The following ZNF607 variants were observed in gnomAD, a reference collection of about 807,000 sequenced individuals.
The protein encoded by ZNF607 is zinc finger protein 607.
In ZNF607, 5 loss-of-function variants were observed where a neutral mutation model predicts 12.8. That is an observed-to-expected ratio of 0.39 (90% CI 0.20 to 0.82). The LOEUF is 0.82. ZNF607 is among the 40% of genes least tolerant of loss of function. The pLI, the probability that ZNF607 is intolerant of heterozygous loss-of-function variation, is 0.39. For missense variants in ZNF607, 851 were observed against 859.2 expected, an observed-to-expected ratio of 0.99 and a Z score of 0.12; for synonymous variants, 287 against 276.2, an observed-to-expected ratio of 1.04 and a Z score of -0.39.
At chr19:37,717,996 C>T (rs930972102) in intron 1 of ZNF607, among the ~76,000 whole-genome samples, 1 of 152,078 alleles carries the variant, frequency 6.6e-6, no homozygotes, top group African/African-American at 2.4e-5. Flanking sequence ...GTATAATTTT[C>T]TTAACCATTC....
chr19:37,718,383 A>T (rs145933266), intron 1 of ZNF607, among the ~76,000 whole-genome samples: 1 of 152,308 alleles, frequency 6.6e-6, no homozygotes, highest in East Asian at 1.9e-4. Context: ...CCAAGGCTGC[A>T]GGCGCGTAAT....
Position 37,709,844 on chromosome 19 carries a change from T to A in ZNF607, c.10-22A>T, listed in dbSNP as rs368957925. 6 of 1,606,198 alleles carry A rather than the reference T, an allele frequency of 3.7e-6. No individual in the cohort carries two copies. In the African/African-American group the frequency reaches 8.0e-5, roughly 21 times the overall value. On this transcript the variant is annotated intron_variant, in intron 2 of 4. Coordinates refer to ENST00000355202, the MANE Select transcript of ZNF607 (RefSeq NM_032689.5). ...ATCCCTGAAACAGCAAACCCATGTA[T>A]TACTGGGGAAATTCCAAAATGGAGT... is the stretch of plus-strand genomic sequence containing the variant.
chr19:37,715,799 T>C (rs2045172059), intron 1 of ZNF607, among the ~76,000 whole-genome samples: 1 of 152,100 alleles, frequency 6.6e-6, no homozygotes, highest in Admixed American at 6.5e-5. Flanking sequence ...TTTATGTGAG[T>C]ATTTGTAAAT....
At chr19:37,712,330 T>C (rs915180816) in intron 1 of ZNF607, among the ~76,000 whole-genome samples, 22 of 152,034 alleles carry the variant, frequency 1.4e-4, no homozygotes, top group African/African-American at 4.4e-4. Context: ...TATCCATCAA[T>C]ACAGAGAGAA....
intron 4 of ZNF607, among the ~76,000 whole-genome samples, chr19:37,702,468 G>A (rs768639053): frequency 2.4e-4 from 36 of 152,058 alleles, no homozygotes; most frequent in Non-Finnish European, 4.0e-4. Context: ...GTAGAATTAA[G>A]ATGCTCATTT....
chr19:37,700,114 C>T (rs879321594), intron 4 of ZNF607, among the ~76,000 whole-genome samples: 2 of 152,190 alleles, frequency 1.3e-5, no homozygotes, highest in East Asian at 3.9e-4. Flanking sequence ...ACACAGAGCC[C>T]TGTTTTGTAG....
intron 4 of ZNF607, among the ~76,000 whole-genome samples, chr19:37,705,167 G>T (rs190682271): frequency 7.2e-5 from 11 of 152,116 alleles, no homozygotes; most frequent in Admixed American, 5.9e-4. Context: ...TCCACCCAAA[G>T]GGGAGAAAAG....
chr19:37,716,273 AT>A (rs1445479501), intron 1 of ZNF607, among the ~76,000 whole-genome samples: 1 of 152,222 alleles, frequency 6.6e-6, no homozygotes, highest in African/African-American at 2.4e-5. Flanking sequence ...ATTGGTGACT[AT>A]CAGGCTACTT....
Position 37,696,929 on chromosome 19 carries a change from T to A in ZNF607, c.*1111A>T. On this transcript the variant is annotated 3_prime_UTR_variant, in exon 5 of 5. Transcript: ENST00000355202. ...CGTCCAGAATGAGCCCAAAGGTGGC[T>A]GCTCACTCCATAAGGTTGTTGCTCA... The A allele has an allele frequency of 1.5e-6, 1 of 673,108 alleles. No homozygotes were observed. Among genetic ancestry groups the A allele is most frequent in the Non-Finnish European group, 2.7e-6 (1 of 367,930 alleles). The allele number at this position is 673,108 out of a possible 1,614,324, so 41.7% of individuals were successfully genotyped here.
Position 37,709,811 on chromosome 19 carries a change from T to C in ZNF607, c.21A>G (p.Thr7=). The change falls in exon 3 of 5, where the codon ACA becomes ACG. Residue 7 remains threonine (T), a synonymous_variant. Coordinates refer to ENST00000355202, the MANE Select transcript of ZNF607 (RefSeq NM_032689.5). ...AGAAGTCTATGGCCACATCCCCGAATGTTATTGATCCCTGAAACAGCAAAC... is the reference window on the plus strand; with the variant it reads ...AGAAGTCTATGGCCACATCCCCGAACGTTATTGATCCCTGAAACAGCAAAC... MSYGSI[T]FGDVAIDFSH... is the part of the protein sequence containing the mutation. 1 of 1,613,588 alleles carries C rather than the reference T, an allele frequency of 6.2e-7. No individual in the cohort carries two copies. Among genetic ancestry groups the C allele is most frequent in the Non-Finnish European group, 8.5e-7 (1 of 1,179,582 alleles).
At chr19:37,704,081 C>G (rs1026695463) in intron 4 of ZNF607, among the ~76,000 whole-genome samples, 2 of 151,806 alleles carry the variant, frequency 1.3e-5, no homozygotes, top group African/African-American at 4.8e-5. Flanking sequence ...TTGCAGTGGG[C>G]CAAGACCACG....
chr19:37,705,133 A>G (rs1363030750), intron 4 of ZNF607, among the ~76,000 whole-genome samples: 1 of 152,234 alleles, frequency 6.6e-6, no homozygotes, highest in African/African-American at 2.4e-5. Context: ...CGATTATTTG[A>G]AAGATCAATG....
chr19:37,709,888 G>A (rs2045118043), intron 2 of ZNF607, 66 bp from the exon 3 acceptor site: 32 of 1,575,068 alleles, frequency 2.0e-5, no homozygotes. Flanking sequence ...CGGGCACTGT[G>A]GCTCACGCCT....
Position 37,698,617 on chromosome 19 carries a change from TAA to T in ZNF607, c.1512_1513del (p.Tyr505Ter). 1 of 1,613,830 alleles carries T rather than the reference TAA, an allele frequency of 6.2e-7. No homozygotes were observed. Among genetic ancestry groups the T allele is most frequent in the South Asian group, 1.1e-5 (1 of 91,056 alleles). The stretch of plus-strand genomic sequence containing the variant: ...GGCCTTCCCACATTCCTTACATTCA[TAA>T]GGTTTCTCACCAGTATGAACTCTGC... On this transcript the variant is annotated frameshift_variant, in exon 5 of 5. Coordinates refer to ENST00000355202, the MANE Select transcript of ZNF607 (RefSeq NM_032689.5). LOFTEE classifies it low-confidence loss of function (END_TRUNC).
At chr19:37,710,058 G>T (rs2045119913) in intron 2 of ZNF607, among the ~76,000 whole-genome samples, 1 of 152,220 alleles carries the variant, frequency 6.6e-6, no homozygotes, top group Non-Finnish European at 1.5e-5. Context: ...GGGAGGCTGA[G>T]ATAGGGGAAT....
chr19:37,700,201 T>C (rs542966967), intron 4 of ZNF607, among the ~76,000 whole-genome samples: 2 of 152,166 alleles, frequency 1.3e-5, no homozygotes, highest in East Asian at 3.8e-4. Flanking sequence ...GATTTATTAA[T>C]ATATGTGCAT....
chr19:37,696,967 C>T lies in ZNF607; in HGVS notation c.*1073G>A, dbSNP rs1030308988. Reference sequence around the variant, plus strand: ...AGGTTGTTGCTCACCTGGCTGGAGACCAGCTCCCTCTGGGTGATTAGTTCT... The same window carrying T: ...AGGTTGTTGCTCACCTGGCTGGAGATCAGCTCCCTCTGGGTGATTAGTTCT... On this transcript the variant is annotated 3_prime_UTR_variant, in exon 5 of 5. Transcript: ENST00000355202. 1.2e-4 allele frequency: 85 copies of T among 697,686 alleles called. No individual in the cohort carries two copies. Among genetic ancestry groups the T allele is most frequent in the Non-Finnish European group, 2.0e-4 (77 of 382,546 alleles). 43.2% of individuals were successfully genotyped at this position (697,686 alleles called of 1,614,324 possible). A position where few individuals can be genotyped will look rare whatever the true frequency, so the allele number is the denominator to read the frequency against.
rs1234877889 is a variant in ZNF607 at position 37,719,570 on chromosome 19, G to A, written c.-376C>T. Reference sequence around the variant, plus strand: ...CTTCAGGTGGAACCAAAAGGTCCCGGAACCGGAGCCAGGGGTCCAAGTTTT... The same window carrying A: ...CTTCAGGTGGAACCAAAAGGTCCCGAAACCGGAGCCAGGGGTCCAAGTTTT... On this transcript the variant is annotated 5_prime_UTR_variant, in exon 1 of 5. Coordinates refer to ENST00000355202, the MANE Select transcript of ZNF607 (RefSeq NM_032689.5). The A allele has an allele frequency of 6.6e-6, 1 of 152,404 alleles. No individual in the cohort carries two copies. The highest frequency in any genetic ancestry group is 1.5e-5 in the Non-Finnish European group (1 of 68,172). The allele number at this position is 152,404 out of a possible 1,614,324, so 9.4% of individuals were successfully genotyped here.
chr19:37,716,417 T>C (rs1181912385), intron 1 of ZNF607, among the ~76,000 whole-genome samples: 1 of 152,198 alleles, frequency 6.6e-6, no homozygotes, highest in African/African-American at 2.4e-5. Flanking sequence ...AGTTTCAGTT[T>C]TGTAATGTGG....
Sources: allele counts gnomAD v4.1 joint callset (sites outside exome capture counted in the v4.1 genomes callset), GRCh38; gene constraint gnomAD v4.1.1; transcripts MANE v1.5; gene names NCBI Gene and HGNC (gene_info 2026-07-23, HGNC 2026-07-21).